ZMYM3: variants seen among roughly 807,000 people sequenced by gnomAD.
The protein encoded by ZMYM3 is zinc finger MYM-type protein 3.
A neutral mutation model predicts 94.2 loss-of-function variants in ZMYM3; 6 were observed. That is an observed-to-expected ratio of 0.06 (90% confidence interval 0.03 to 0.13). The LOEUF is 0.13. ZMYM3 is among the 10% of genes least tolerant of loss of function. The probability of loss-of-function intolerance (pLI) is 1.00; values close to 1 mark genes in which losing one functional copy is unlikely to be tolerated. For synonymous variants in ZMYM3, 420 were observed against 426.5 expected (o/e 0.98, Z 0.19); for missense variants, 664 against 1,132.6 (o/e 0.59, Z 5.94).
At chrX:71,249,747 G>GC (rs2030362231) in intron 6 of ZMYM3, 68 bp from the exon 7 acceptor site, 9 of 1,156,369 alleles carry the variant, frequency 7.8e-6, no homozygotes, top group African/African-American at 7.1e-5. Context: ...TGCAAGGTCA[G>GC]CCCCCCACCT....
At chrX:71,246,826 A>C (rs2030200734) in intron 13 of ZMYM3, 134 bp from the exon 14 acceptor site, 2 of 561,638 alleles carry the variant, frequency 3.6e-6, no homozygotes, top group Admixed American at 4.1e-5. Flanking sequence ...CCCCCTTGCC[A>C]TCCCAGATCT....
At position 71,245,998 on chromosome X, in the gene ZMYM3, C is replaced by T. The variant is rs36099228; in HGVS notation, c.2673G>A (p.Ser891=). ...LYCQKVPVPF[S]MPIPVPVPMF... ...CAGGGAAACTCACCGGGATAGGCATCGAGAAAGGCACCGGGACTTTCTGGC... is the reference window on the plus strand; with the variant it reads ...CAGGGAAACTCACCGGGATAGGCATTGAGAAAGGCACCGGGACTTTCTGGC... The change falls in exon 16 of 25, where the codon TCG becomes TCA. Residue 891 remains serine (S), a synonymous_variant. Coordinates refer to ENST00000314425, the MANE Select transcript of ZMYM3 (RefSeq NM_201599.3). 2,420 of 1,207,975 alleles carry T rather than the reference C, an allele frequency of 2.0e-3. 27 individuals carry two copies. The African/African-American group carries it at 0.036, about 18-fold the overall frequency.
Position 71,245,849 on chromosome X carries a change from G to A in ZMYM3, c.2686-7C>T. On this transcript the variant is annotated splice_polypyrimidine_tract_variant and splice_region_variant and intron_variant, in intron 16 of 24. Coordinates refer to ENST00000314425, the MANE Select transcript of ZMYM3 (RefSeq NM_201599.3). ...AGAACATGGGCACAGGCACCTGGAGGCACGAATCCCAACTAAATGCCAAGA... is the reference window on the plus strand; with the variant it reads ...AGAACATGGGCACAGGCACCTGGAGACACGAATCCCAACTAAATGCCAAGA... The A allele has an allele frequency of 8.3e-7, 1 of 1,207,210 alleles. No homozygotes were observed. The highest frequency in any genetic ancestry group is 1.1e-6 in the Non-Finnish European group (1 of 892,853).
At position 71,247,503 on chromosome X, in the gene ZMYM3, C is replaced by T. The variant is rs1338083779; in HGVS notation, c.2156G>A (p.Arg719Gln). 2 of 1,209,428 alleles carry T rather than the reference C, an allele frequency of 1.7e-6. No homozygotes were observed. Among genetic ancestry groups the T allele is most frequent in the Non-Finnish European group, 2.2e-6 (2 of 893,842 alleles). ...CCCCTGGCGCTTACACGCATGGCAC[C>T]GGGCAGCCTGAGGATGTCAAAAGGA... ...KYLLWYCKAA[R>Q]CHACKRQGKL... Residue 719 changes from arginine (R) to glutamine (Q), a missense_variant, in exon 13 of 25, where the codon CGG becomes CAG. This residue lies in a region of ZMYM3 where 159 missense variants were observed against 313.0 expected (regional missense o/e 0.51). Coordinates refer to ENST00000314425, the MANE Select transcript of ZMYM3 (RefSeq NM_201599.3).
chrX:71,251,253 C>T lies in ZMYM3; in HGVS notation c.712-9G>A, dbSNP rs537236705. ...ACGCGCTCGCTTCTCTTCTGTACCT[C>T]GGAAAGATGGGAGGGGAGGAAAACT... is the stretch of plus-strand genomic sequence containing the variant. On this transcript the variant is annotated splice_polypyrimidine_tract_variant and intron_variant, in intron 3 of 24. Coordinates refer to ENST00000314425, the MANE Select transcript of ZMYM3 (RefSeq NM_201599.3). 1.2e-5 allele frequency: 14 copies of T among 1,199,064 alleles called. No homozygotes were observed. The highest frequency in any genetic ancestry group is 9.0e-5 in the East Asian group (3 of 33,463).
rs767949824 is a variant in ZMYM3, at chrX:71,252,686, C to T, written c.570G>A (p.Pro190=). 9.2e-6 allele frequency: 11 copies of T among 1,192,352 alleles called. No individual in the cohort carries two copies. The highest frequency in any genetic ancestry group is 3.7e-5 in the South Asian group (2 of 53,473). The change falls in exon 2 of 25, where the codon CCG becomes CCA. Residue 190 remains proline, a synonymous_variant. Transcript: ENST00000314425. ...PQGQPQSPNA[P]PSPSVGETLG... ...GAGTCTCTCCCACTGAAGGGCTAGG[C>T]GGGGCATTTGGGCTCTGTGGCTGCC...
intron 2 of ZMYM3, among the ~76,000 whole-genome samples, chrX:71,252,347 C>T (rs1289379581): frequency 9.1e-6 from 1 of 110,062 alleles, no homozygotes; most frequent in Non-Finnish European, 1.9e-5. Flanking sequence ...CTCCTCCCAA[C>T]CTACGCTCCC....
Position 71,249,179 on chromosome X carries a change from T to C in ZMYM3, c.1471-10A>G. 8.3e-7 allele frequency: 1 copy of C among 1,210,509 alleles called. No homozygotes were observed. The highest frequency in any genetic ancestry group is 3.0e-5 in the East Asian group (1 of 33,811). ...ACACACGTGTGTTTTTCTGTGAGGA[T>C]GGGGAAGGAGAGGCTGAGGCTGGAT... On this transcript the variant is annotated splice_polypyrimidine_tract_variant and intron_variant, in intron 7 of 24. Coordinates refer to ENST00000314425, the MANE Select transcript of ZMYM3 (RefSeq NM_201599.3).
chrX:71,248,939 AG>A, intron 8 of ZMYM3, 79 bp downstream of exon 8: 7 of 1,178,194 alleles, frequency 5.9e-6, no homozygotes, highest in Non-Finnish European at 8.0e-6. Flanking sequence ...TCGGGCAGCA[AG>A]GATTACTCTG....
chrX:71,254,970 A>G (rs781369049), upstream of ZMYM3: 1 of 110,076 alleles, frequency 9.1e-6, no homozygotes, highest in African/African-American at 3.3e-5. Context: ...GGTCCTGCAA[A>G]GCTACCCCCT....
At chrX:71,255,084 A>ATC (rs61261611), upstream of ZMYM3, 57 of 20,836 alleles carry the variant, frequency 2.7e-3, 3 homozygotes, top group Non-Finnish European at 3.6e-3. Flanking sequence ...ACCAGGGCTG[A>ATC]TCTCTCTCTC....
At chrX:71,251,061 A>T in intron 4 of ZMYM3, 117 bp downstream of exon 4, 1 of 772,570 alleles carries the variant, frequency 1.3e-6, no homozygotes, top group Non-Finnish European at 1.9e-6. Context: ...CAGGCACTTC[A>T]TGCGCTTCAT....
chrX:71,241,347 A>T lies in ZMYM3; in HGVS notation c.3803-3T>A. The T allele has an allele frequency of 1.7e-6, 2 of 1,177,321 alleles. No homozygotes were observed. The highest frequency in any genetic ancestry group is 2.3e-6 in the Non-Finnish European group (2 of 874,899). On this transcript the variant is annotated splice_polypyrimidine_tract_variant and splice_region_variant and intron_variant, in intron 23 of 24. Coordinates refer to ENST00000314425, the MANE Select transcript of ZMYM3 (RefSeq NM_201599.3). ...CTTCCGTTTTCCAGGACCCGTGTCT[A>T]TAGGGGAGGGAAATGATTCAGACTC... is the stretch of plus-strand genomic sequence containing the variant.
intron 24 of ZMYM3, 55 bp from the exon 25 acceptor site, chrX:71,241,163 C>T: frequency 8.4e-7 from 1 of 1,189,355 alleles, no homozygotes; most frequent in Non-Finnish European, 1.1e-6. Context: ...AAGATCAGTA[C>T]CAAGGCAAAG....
intron 3 of ZMYM3, 134 bp from the exon 4 acceptor site, chrX:71,251,378 A>G: frequency 1.1e-6 from 1 of 902,171 alleles, no homozygotes; most frequent in Non-Finnish European, 1.6e-6. Context: ...CCTTAGGAGG[A>G]GGGAAGAAAA....
intron 12 of ZMYM3, 75 bp from the exon 13 acceptor site, chrX:71,247,585 C>T (rs908717839): frequency 8.7e-7 from 1 of 1,153,305 alleles, no homozygotes; most frequent in Admixed American, 2.4e-5. Flanking sequence ...CGGGATAAGC[C>T]ATGCTCCTCC....
At chrX:71,243,478 C>T (rs1427192195) in intron 21 of ZMYM3, 5 of 269,511 alleles carry the variant, frequency 1.9e-5, no homozygotes, top group Middle Eastern at 1.1e-3. Flanking sequence ...GGCCAACGGT[C>T]CTGGAATGCA....
rs760086076 is a variant in ZMYM3 at position 71,249,811 on chromosome X, G to A, written c.1252-132C>T. The A allele has an allele frequency of 5.8e-5, 63 of 1,088,750 alleles. No individual in the cohort carries two copies. The South Asian group carries it at 1.1e-3, about 20-fold the overall frequency. 89.7% of individuals were successfully genotyped at this position (1,088,750 alleles called of 1,213,427 possible). A position where few individuals can be genotyped will look rare whatever the true frequency, so the allele number is the denominator to read the frequency against. On this transcript the variant is annotated intron_variant, in intron 6 of 24. Transcript: ENST00000314425. ...GCCCAGGGACCCCCCAACCTGCGCC[G>A]CAGGCTGCCGACTTGATGGTGAGGT...
At chrX:71,242,048 CAGG>C in intron 23 of ZMYM3, 119 bp downstream of exon 23, 3 of 981,886 alleles carry the variant, frequency 3.1e-6, no homozygotes, top group Non-Finnish European at 4.1e-6. Flanking sequence ...CACACAGGAA[CAGG>C]AGAGGGAAGC....
Sources: allele counts gnomAD v4.1 joint callset (sites outside exome capture counted in the v4.1 genomes callset), GRCh38; gene constraint gnomAD v4.1.1; regional missense constraint gnomAD v4.1.1; transcripts MANE v1.5; gene names NCBI Gene and HGNC (gene_info 2026-07-23, HGNC 2026-07-21).